ZMYND11: variants seen among roughly 807,000 people sequenced by gnomAD.
ZMYND11 encodes zinc finger MYND-type containing 11.
In ZMYND11, 9 loss-of-function variants were observed where a neutral mutation model predicts 84.9. That is an observed-to-expected ratio of 0.11 (90% CI 0.06 to 0.18). The LOEUF (loss-of-function observed/expected upper bound fraction) is 0.18, where lower values mean the gene tolerates loss of function less well. Among genes scored for constraint, ZMYND11 ranks in the 10% least tolerant of loss-of-function variants. The pLI is 1.00. For missense variants in ZMYND11, 409 were observed against 761.0 expected (o/e 0.54, Z 5.44); for synonymous variants, 250 against 244.1 (o/e 1.02, Z -0.23).
At chr10:238,953 T>G (rs2131723651) in intron 6 of ZMYND11, among the ~76,000 whole-genome samples, 1 of 152,312 alleles carries the variant, frequency 6.6e-6, no homozygotes, top group Non-Finnish European at 1.5e-5. Context: ...TTAAAATTAT[T>G]TATAAACCAA....
At chr10:214,071 T>A (rs1945747557) in intron 3 of ZMYND11, among the ~76,000 whole-genome samples, 1 of 152,164 alleles carries the variant, frequency 6.6e-6, no homozygotes, top group Non-Finnish European at 1.5e-5. Flanking sequence ...TCTTTTGGAC[T>A]GCAGTTATTT....
chr10:241,226 A>C (rs1950839489), intron 9 of ZMYND11, among the ~76,000 whole-genome samples: 1 of 152,150 alleles, frequency 6.6e-6, no homozygotes, highest in African/African-American at 2.4e-5. Context: ...CCCAGGCTTG[A>C]GTGCAGTGGT....
intron 2 of ZMYND11, among the ~76,000 whole-genome samples, chr10:187,503 G>A (rs1358180464): frequency 2.0e-5 from 3 of 151,960 alleles, no homozygotes; most frequent in South Asian, 2.1e-4. Context: ...GCGCGGTGGC[G>A]GGCGCCTGTA....
At chr10:198,642 G>A (rs1942366173) in intron 2 of ZMYND11, among the ~76,000 whole-genome samples, 1 of 152,098 alleles carries the variant, frequency 6.6e-6, no homozygotes, top group African/African-American at 2.4e-5. Context: ...AGTCACTGGA[G>A]GTCCATAAGA....
intron 4 of ZMYND11, 139 bp downstream of exon 4, chr10:221,495 T>G: frequency 1.3e-6 from 1 of 791,736 alleles, no homozygotes; most frequent in Non-Finnish European, 2.0e-6. Context: ...GAAATGATGA[T>G]ACTCATAAAT....
At chr10:139,519 TTCA>T (rs1259371012) in intron 1 of ZMYND11, among the ~76,000 whole-genome samples, 1 of 152,174 alleles carries the variant, frequency 6.6e-6, no homozygotes, top group African/African-American at 2.4e-5. Flanking sequence ...CTGGAGGTTG[TTCA>T]TCAGGTTTTC....
At chr10:207,490 T>C in intron 2 of ZMYND11, among the ~76,000 whole-genome samples, 1 of 152,180 alleles carries the variant, frequency 6.6e-6, no homozygotes, top group Non-Finnish European at 1.5e-5. Context: ...CCACATCCTC[T>C]CCAGCACCTG....
At chr10:249,722 G>GTTTTGCTCCCGAAAGCTCATAAC (rs1952949788) in intron 14 of ZMYND11, 1 of 985,264 alleles carries the variant, frequency 1.0e-6, no homozygotes, top group Non-Finnish European at 1.2e-6. Flanking sequence ...TTAGGGAAAA[G>GTTTTGCTCCCGAAAGCTCATAAC]TTTTGCTCCC....
At chr10:216,249 TA>T (rs977232249) in intron 3 of ZMYND11, among the ~76,000 whole-genome samples, 8 of 152,358 alleles carry the variant, frequency 5.3e-5, no homozygotes, top group African/African-American at 1.9e-4. Context: ...TAAGTGAGGC[TA>T]AATTCAAACT....
intron 2 of ZMYND11, among the ~76,000 whole-genome samples, chr10:206,821 TTTTAA>T (rs534635100): frequency 3.4e-4 from 51 of 152,042 alleles, no homozygotes; most frequent in Non-Finnish European, 6.8e-4. Flanking sequence ...CTTAGAAATG[TTTTAA>T]TTTTTATTTT....
At chr10:144,931 T>C (rs1838387214) in intron 1 of ZMYND11, among the ~76,000 whole-genome samples, 1 of 150,746 alleles carries the variant, frequency 6.6e-6, no homozygotes, top group African/African-American at 2.4e-5. Context: ...TCTTCCACTC[T>C]TCCCCATTCT....
chr10:209,886 C>A lies in ZMYND11; in HGVS notation c.117-3C>A. ...TTTAAATTTGTTTTTCCTCTGTGTT[C>A]AGGTATATGTCTCGAGTCCACGGTA... On this transcript the variant is annotated splice_region_variant and splice_polypyrimidine_tract_variant and intron_variant, in intron 2 of 14. Coordinates refer to ENST00000381604, the MANE Select transcript of ZMYND11 (RefSeq NM_001370100.5). 2.5e-6 allele frequency: 4 copies of A among 1,604,750 alleles called. No homozygotes were observed. Among genetic ancestry groups the A allele is most frequent in the Non-Finnish European group, 2.6e-6 (3 of 1,175,452 alleles).
chr10:201,899 C>CCTTCT (rs1943246195), intron 2 of ZMYND11, among the ~76,000 whole-genome samples: 7 of 152,162 alleles, frequency 4.6e-5, no homozygotes, highest in African/African-American at 1.7e-4. Context: ...ATTAAAATAG[C>CCTTCT]AGACTAGAAG....
At chr10:211,267 A>G (rs1945174313) in intron 3 of ZMYND11, among the ~76,000 whole-genome samples, 1 of 152,060 alleles carries the variant, frequency 6.6e-6, no homozygotes, top group African/African-American at 2.4e-5. Flanking sequence ...ATCTATAGAT[A>G]TAGATAGACA....
intron 1 of ZMYND11, among the ~76,000 whole-genome samples, chr10:173,384 A>T (rs1845824166): frequency 6.6e-6 from 1 of 152,182 alleles, no homozygotes; most frequent in Admixed American, 6.5e-5. Flanking sequence ...TGCAAAAGAC[A>T]CATCTGATAA....
At chr10:149,808 A>G (rs1290050658) in intron 1 of ZMYND11, among the ~76,000 whole-genome samples, 1 of 152,194 alleles carries the variant, frequency 6.6e-6, no homozygotes, top group South Asian at 2.1e-4. Context: ...ACAGAGTCTA[A>G]TGAAGTACAT....
At chr10:202,870 A>G (rs988308125) in intron 2 of ZMYND11, among the ~76,000 whole-genome samples, 1 of 152,294 alleles carries the variant, frequency 6.6e-6, no homozygotes, top group East Asian at 1.9e-4. Context: ...TTGTGTGTTA[A>G]TCCATGCTCT....
intron 6 of ZMYND11, among the ~76,000 whole-genome samples, chr10:238,580 T>G (rs1174492410): frequency 1.3e-5 from 2 of 152,094 alleles, no homozygotes; most frequent in Non-Finnish European, 2.9e-5. Context: ...ATGGTCTCGA[T>G]CTCCTGACCT....
intron 4 of ZMYND11, among the ~76,000 whole-genome samples, chr10:225,351 GTTT>G (rs1185675765): frequency 0.012 from 397 of 33,526 alleles, 1 homozygote; most frequent in African/African-American, 0.024. Context: ...TTGTTTTTTT[GTTT>G]TTTATGTGTG....
Sources: gnomAD v4.1 joint callset for allele counts (sites outside exome capture counted in the v4.1 genomes callset) on GRCh38, gnomAD v4.1.1 for gene constraint, MANE v1.5 for transcripts, NCBI Gene and HGNC (gene_info 2026-07-23, HGNC 2026-07-21) for gene names.